Variants in ZC3H12C observed in about 807,000 individuals in gnomAD.
ZC3H12C encodes the protein zinc finger CCCH-type containing 12C, also known as probable ribonuclease ZC3H12C.
In ZC3H12C, 20 loss-of-function variants were observed where a neutral mutation model predicts 76.3. That is an observed-to-expected ratio of 0.26 (90% CI 0.18 to 0.38). ZC3H12C has a LOEUF of 0.38. Ranked by LOEUF, ZC3H12C falls within the 10% of genes least tolerant of loss-of-function variation. The pLI is 1.00. For missense variants in ZC3H12C, 874 were observed against 1,086.5 expected, an observed-to-expected ratio of 0.80 and a Z score of 2.75; for synonymous variants, 352 against 399.6, an observed-to-expected ratio of 0.88 and a Z score of 1.42.
intron 4 of ZC3H12C, among the ~76,000 whole-genome samples, chr11:110,161,996 T>C (rs1188041037): frequency 1.3e-5 from 2 of 152,046 alleles, no homozygotes; most frequent in African/African-American, 4.8e-5. Flanking sequence ...TAGCTGGGCA[T>C]AGTGGTGGGC....
chr11:110,102,749 T>G (rs1209982291), intron 1 of ZC3H12C, among the ~76,000 whole-genome samples: 2 of 152,116 alleles, frequency 1.3e-5, no homozygotes, highest in African/African-American at 4.8e-5. Context: ...GCAAATTTCA[T>G]TATCATCTTA....
At chr11:110,131,358 G>T (rs1005689285) in intron 1 of ZC3H12C, 2 of 438,266 alleles carry the variant, frequency 4.6e-6, no homozygotes, top group East Asian at 7.5e-5. Context: ...TAGGCATGGC[G>T]TATAATCATT....
chr11:110,118,933 A>G (rs998185521), intron 1 of ZC3H12C, among the ~76,000 whole-genome samples: 3 of 152,256 alleles, frequency 2.0e-5, no homozygotes, highest in African/African-American at 7.2e-5. Flanking sequence ...TAAGTCAGCA[A>G]TGCTTTTTAA....
chr11:110,158,524 T>TG (rs1170164053), intron 3 of ZC3H12C, among the ~76,000 whole-genome samples: 1 of 151,420 alleles, frequency 6.6e-6, no homozygotes, highest in African/African-American at 2.4e-5. Context: ...AAAAAAAAAA[T>TG]CCAACCACAG....
chr11:110,169,627 T>C lies in ZC3H12C; in HGVS notation c.*3890T>C, dbSNP rs914171120. On this transcript the variant is annotated 3_prime_UTR_variant, in exon 6 of 6. Transcript: ENST00000278590. Reference sequence around the variant, plus strand: ...GACATATGCTTATGTTCCAAATATATTAAAGATGTTAATTCAGCTAACAGT... The same window carrying C: ...GACATATGCTTATGTTCCAAATATACTAAAGATGTTAATTCAGCTAACAGT... The C allele has an allele frequency of 6.6e-6, 1 of 152,112 alleles. No individual in the cohort carries two copies. The highest frequency in any genetic ancestry group is 6.5e-5 in the Admixed American group (1 of 15,272). The allele number at this position is 152,112 out of a possible 1,614,324, so 9.4% of individuals were successfully genotyped here.
intron 2 of ZC3H12C, among the ~76,000 whole-genome samples, chr11:110,140,056 C>A (rs1862042686): frequency 1.3e-5 from 2 of 152,056 alleles, no homozygotes; most frequent in Non-Finnish European, 2.9e-5. Context: ...AATCCCAGCA[C>A]TTTGGGAGGC....
chr11:110,132,485 A>T (rs1861885356), intron 1 of ZC3H12C, among the ~76,000 whole-genome samples: 1 of 152,202 alleles, frequency 6.6e-6, no homozygotes, highest in African/African-American at 2.4e-5. Flanking sequence ...ATATTATTTA[A>T]TTTTCAACTT....
chr11:110,126,255 A>T (rs113461725), intron 1 of ZC3H12C, among the ~76,000 whole-genome samples: 1 of 70,170 alleles, frequency 1.4e-5, no homozygotes, highest in Non-Finnish European at 2.9e-5. Context: ...ATGAGGTCTC[A>T]CTCTGTTGCC....
In ZC3H12C at chr11:110,093,917, T is replaced by A. The variant is rs1361630245; in HGVS notation, c.21+485T>A. Among the ~76,000 whole-genome samples, 8 of 151,724 alleles carry A rather than the reference T, an allele frequency of 5.3e-5. No homozygotes were observed. In the East Asian group the frequency reaches 1.5e-3, roughly 29 times the overall value. ...ATTCGCTTAACTATCCATCCCTCCA[T>A]CCAGATCGCCAGCAACCCCAGGCCG... On this transcript the variant is annotated intron_variant, in intron 1 of 5. Coordinates refer to ENST00000278590, the MANE Select transcript of ZC3H12C (RefSeq NM_033390.2).
At chr11:110,117,641 T>C (rs1473995593) in intron 1 of ZC3H12C, among the ~76,000 whole-genome samples, 2 of 145,732 alleles carry the variant, frequency 1.4e-5, no homozygotes, top group African/African-American at 5.1e-5. Context: ...ACATGAGATA[T>C]ATATATATAT....
At chr11:110,100,585 C>G (rs1257580787) in intron 1 of ZC3H12C, among the ~76,000 whole-genome samples, 1 of 152,100 alleles carries the variant, frequency 6.6e-6, no homozygotes, top group Non-Finnish European at 1.5e-5. Flanking sequence ...GTAGTTCTTG[C>G]AATATTTCAA....
chr11:110,110,158 G>A (rs1565249270), intron 1 of ZC3H12C, among the ~76,000 whole-genome samples: 1 of 152,116 alleles, frequency 6.6e-6, no homozygotes, highest in Admixed American at 6.5e-5. Flanking sequence ...CCTGTGGATA[G>A]GAGAAATAAA....
chr11:110,128,861 T>C (rs1007552778), intron 1 of ZC3H12C, among the ~76,000 whole-genome samples: 1 of 142,666 alleles, frequency 7.0e-6, no homozygotes, highest in African/African-American at 2.6e-5. Flanking sequence ...ATTCATGAGA[T>C]TTCAAAAAGA....
chr11:110,137,110 G>A lies in ZC3H12C; in HGVS notation c.469G>A (p.Asp157Asn), dbSNP rs200420973. Reference sequence around the variant, plus strand: ...ATCCAAGGAAGCAAAGAAACCACCTGATGTGGTGCGAGAATACCAAACAAA... The same window carrying A: ...ATCCAAGGAAGCAAAGAAACCACCTAATGTGGTGCGAGAATACCAAACAAA... ...TTSKEAKKPP[D>N]VVREYQTKLE... Residue 157 changes from aspartate to asparagine, a missense_variant, in exon 2 of 6, where the codon GAT (aspartate) becomes AAT (asparagine). Asp to Asn is a conservative substitution (Grantham distance 23). Coordinates refer to ENST00000278590, the MANE Select transcript of ZC3H12C (RefSeq NM_033390.2). 3.2e-4 allele frequency: 517 copies of A among 1,613,840 alleles called. 2 individuals are homozygous for A. The Middle Eastern group carries it at 4.9e-3, about 15-fold the overall frequency.
intron 1 of ZC3H12C, chr11:110,124,159 G>A (rs1300425423): frequency 6.6e-6 from 1 of 152,206 alleles, no homozygotes; most frequent in East Asian, 1.9e-4. Context: ...TGCGGGAAAA[G>A]ACCCGTCATC....
chr11:110,118,361 A>G (rs1861598557), intron 1 of ZC3H12C, among the ~76,000 whole-genome samples: 1 of 152,132 alleles, frequency 6.6e-6, no homozygotes, highest in Non-Finnish European at 1.5e-5. Context: ...AGACATGTAA[A>G]TCTTTTTCAC....
chr11:110,113,000 T>A (rs61900162), intron 1 of ZC3H12C, among the ~76,000 whole-genome samples: 2 of 15,894 alleles, frequency 1.3e-4, no homozygotes, highest in Non-Finnish European at 3.1e-4. Flanking sequence ...CGCCCCCCCC[T>A]ACCAAAAAAA....
intron 4 of ZC3H12C, 51 bp downstream of exon 4, chr11:110,159,541 C>A: frequency 7.0e-7 from 1 of 1,421,350 alleles, no homozygotes; most frequent in Non-Finnish European, 9.7e-7. Context: ...AAAAATATAA[C>A]TATCCCTGGC....
In ZC3H12C at chr11:110,170,271, A is replaced by G. The variant is rs1413024534; in HGVS notation, c.*4534A>G. On this transcript the variant is annotated 3_prime_UTR_variant, in exon 6 of 6. Coordinates refer to ENST00000278590, the MANE Select transcript of ZC3H12C (RefSeq NM_033390.2). ...TTTCATAAACTTTTCATTTCTGTTG[A>G]TAAATGGGAATCCCTTACCAACCTT... 1 of 152,142 alleles carries G rather than the reference A, an allele frequency of 6.6e-6. No individual in the cohort carries two copies. The highest frequency in any genetic ancestry group is 1.9e-4 in the East Asian group (1 of 5,202). The allele number at this position is 152,142 out of a possible 1,614,324, so 9.4% of individuals were successfully genotyped here. A position where few individuals can be genotyped will look rare whatever the true frequency, so the allele number is the denominator to read the frequency against.
Sources: gnomAD v4.1 joint callset for allele counts (sites outside exome capture counted in the v4.1 genomes callset) on GRCh38, gnomAD v4.1.1 for gene constraint, MANE v1.5 for transcripts, NCBI Gene and HGNC (gene_info 2026-07-23, HGNC 2026-07-21) for gene names.